DPYSL3: variants seen among roughly 807,000 people sequenced by gnomAD.
DPYSL3 encodes the protein dihydropyrimidinase-related protein 3.
In DPYSL3, 16 loss-of-function variants were observed where a neutral mutation model predicts 66.1. The ratio of observed to expected loss-of-function variants is 0.24; its 90% CI spans 0.16 to 0.37. The LOEUF (loss-of-function observed/expected upper bound fraction) is 0.37. Among genes scored for constraint, DPYSL3 ranks in the 10% least tolerant of loss-of-function variants. The pLI, the probability that DPYSL3 is intolerant of heterozygous loss-of-function variation, is 1.00. For synonymous variants in DPYSL3, 338 were observed against 345.1 expected (o/e 0.98, Z 0.23); for missense variants, 738 against 916.2 (o/e 0.81, Z 2.51).
At chr5:147,412,956 C>A (rs1035035767) in intron 5 of DPYSL3, among the ~76,000 whole-genome samples, 11 of 152,194 alleles carry the variant, frequency 7.2e-5, no homozygotes, top group African/African-American at 2.7e-4. Context: ...CTCTCCTCTG[C>A]CTCTAGCACA....
At chr5:147,424,777 G>T (rs1009702243) in intron 2 of DPYSL3, 98 bp downstream of exon 2, 21 of 944,054 alleles carry the variant, frequency 2.2e-5, no homozygotes, top group Non-Finnish European at 2.8e-5. Context: ...ATTAAATTAA[G>T]ATTTTTTTCA....
intron 1 of DPYSL3, among the ~76,000 whole-genome samples, chr5:147,488,499 T>C (rs868169625): frequency 1.3e-5 from 2 of 152,128 alleles, no homozygotes; most frequent in Admixed American, 1.3e-4. Flanking sequence ...GCCACAGCAG[T>C]CAATAAAAAA....
At chr5:147,441,180 T>C (rs1235158239) in intron 1 of DPYSL3, among the ~76,000 whole-genome samples, 2 of 152,206 alleles carry the variant, frequency 1.3e-5, no homozygotes, top group African/African-American at 4.8e-5. Flanking sequence ...TTTCTCCCTT[T>C]ATGACTCTGC....
intron 12 of DPYSL3, among the ~76,000 whole-genome samples, chr5:147,396,847 G>A (rs967507430): frequency 1.5e-5 from 2 of 136,050 alleles, no homozygotes; most frequent in Non-Finnish European, 3.1e-5. Context: ...ATATATATAC[G>A]TATATCTGTA....
chr5:147,500,440 C>T (rs148659125), intron 1 of DPYSL3, among the ~76,000 whole-genome samples: 80 of 152,000 alleles, frequency 5.3e-4, no homozygotes, highest in African/African-American at 1.8e-3. Context: ...ATGGTGAAAT[C>T]GCATATCTAC....
chr5:147,489,841 T>C (rs952771422), intron 1 of DPYSL3, among the ~76,000 whole-genome samples: 3 of 152,032 alleles, frequency 2.0e-5, no homozygotes, highest in African/African-American at 7.2e-5. Context: ...GCTGAAAAGT[T>C]ACCGATGGAT....
chr5:147,409,416 G>A (rs1751798338), intron 6 of DPYSL3, among the ~76,000 whole-genome samples: 1 of 152,158 alleles, frequency 6.6e-6, no homozygotes, highest in South Asian at 2.1e-4. Context: ...AGCCACTCAG[G>A]AGTTTTGATG....
chr5:147,509,197 C>T lies in DPYSL3; in HGVS notation c.381+281G>A, dbSNP rs554340019. 1.0e-3 allele frequency among the ~76,000 whole-genome samples: 155 copies of T among 152,254 alleles called. No homozygotes were observed. The highest frequency in any genetic ancestry group is 3.7e-3 in the African/African-American group (153 of 41,558). ...ACACACCCACCCAGACCGGATGGCC[C>T]AGGAGTGCGGCGAGGAGGCAGGGGC... On this transcript the variant is annotated intron_variant, in intron 1 of 13. Coordinates refer to ENST00000343218, the MANE Select transcript of DPYSL3 (RefSeq NM_001197294.2). This position sits in a 1 kb window ranked among gnomAD's most constrained non-coding sequence, Gnocchi z 5.3.
In DPYSL3 at chr5:147,509,260, C is replaced by T. The variant is rs1190344352; in HGVS notation, c.381+218G>A. On this transcript the variant is annotated intron_variant, in intron 1 of 13. Coordinates refer to ENST00000343218, the MANE Select transcript of DPYSL3 (RefSeq NM_001197294.2). The surrounding 1 kb of genome is among the most constrained non-coding windows in gnomAD (Gnocchi z 5.3). The stretch of plus-strand genomic sequence containing the variant: ...TCCAGGCAGGGGAACCCGGGCATCC[C>T]TTCCGCGCTTGCACGAAGATGCTGC... Among the ~76,000 whole-genome samples, 1 of 152,202 alleles carries T rather than the reference C, an allele frequency of 6.6e-6. No homozygotes were observed. The highest frequency in any genetic ancestry group is 2.4e-5 in the African/African-American group (1 of 41,466).
intron 1 of DPYSL3, among the ~76,000 whole-genome samples, chr5:147,435,749 G>T (rs1380968667): frequency 6.6e-6 from 1 of 152,160 alleles, no homozygotes; most frequent in Non-Finnish European, 1.5e-5. Context: ...AATAAGAAAA[G>T]ACCTTTAGCA....
intron 1 of DPYSL3, among the ~76,000 whole-genome samples, chr5:147,480,016 G>A (rs1753212332): frequency 6.6e-6 from 1 of 152,118 alleles, no homozygotes; most frequent in African/African-American, 2.4e-5. Context: ...TCTAAGCCCA[G>A]CCTTCACCAC....
chr5:147,405,764 C>G (rs374457174), intron 7 of DPYSL3, 34 bp from the exon 8 acceptor site: 1 of 1,592,750 alleles, frequency 6.3e-7, no homozygotes, highest in East Asian at 2.2e-5. Flanking sequence ...TCAATAGAAA[C>G]ATGAACCTCT....
chr5:147,455,546 G>A lies in DPYSL3; in HGVS notation c.382-30583C>T, dbSNP rs183138787. ...GTGCTGAGACCACTAGCCAAGAGTT[G>A]TGAAATTACAAAGCATTCTGGGGAT... is the stretch of plus-strand genomic sequence containing the variant. On this transcript the variant is annotated intron_variant, in intron 1 of 13. Coordinates refer to ENST00000343218, the MANE Select transcript of DPYSL3 (RefSeq NM_001197294.2). Among the ~76,000 whole-genome samples the A allele has an allele frequency of 1.7e-3, 266 of 152,290 alleles. 1 individual carries two copies. Among genetic ancestry groups the A allele is most frequent in the African/African-American group, 6.2e-3 (256 of 41,548 alleles).
chr5:147,423,358 G>A lies in DPYSL3; in HGVS notation c.470+1517C>T, dbSNP rs144393537. Among the ~76,000 whole-genome samples, 383 of 151,828 alleles carry A rather than the reference G, an allele frequency of 2.5e-3. 2 individuals carry two copies. The highest frequency in any genetic ancestry group is 2.4e-3 in the Non-Finnish European group (166 of 68,020). On this transcript the variant is annotated intron_variant, in intron 2 of 13. Coordinates refer to ENST00000343218, the MANE Select transcript of DPYSL3 (RefSeq NM_001197294.2). ...TCATTCACTCACTCATTCATTCAAT[G>A]TTATTTGACTAATACATTAACTTTT...
At chr5:147,400,934 T>C (rs1758154907) in intron 9 of DPYSL3, 101 bp from the exon 10 acceptor site, 3 of 1,453,086 alleles carry the variant, frequency 2.1e-6, no homozygotes, top group Non-Finnish European at 1.8e-6. Context: ...ACTCTGACTA[T>C]TTGGGTTTGG....
chr5:147,401,546 A>G lies in DPYSL3; in HGVS notation c.1304T>C (p.Leu435Pro). 6.2e-7 allele frequency: 1 copy of G among 1,612,176 alleles called. No homozygotes were observed. Among genetic ancestry groups the G allele is most frequent in the Non-Finnish European group, 8.5e-7 (1 of 1,179,192 alleles). ...TGGGCATTCCTGCACCAACCTGGCCAGCAAGGAGTTGATGTAGTCCGGAGT... is the reference window on the plus strand; with the variant it reads ...TGGGCATTCCTGCACCAACCTGGCCGGCAAGGAGTTGATGTAGTCCGGAGT... Reference protein sequence around the residue: ...PTTPDYINSLLASGDLQLSGS... With the variant: ...PTTPDYINSLPASGDLQLSGS... Residue 435 changes from leucine (L) to proline (P), a missense_variant, in exon 9 of 14, where the codon CTG becomes CCG. By Grantham distance (98) the Leu-to-Pro change is moderately conservative. Coordinates refer to ENST00000343218, the MANE Select transcript of DPYSL3 (RefSeq NM_001197294.2).
chr5:147,450,909 T>C (rs1467218568), intron 1 of DPYSL3, among the ~76,000 whole-genome samples: 3 of 152,200 alleles, frequency 2.0e-5, no homozygotes, highest in African/African-American at 7.2e-5. Flanking sequence ...AAATTCCATG[T>C]TACCATTTTT....
chr5:147,424,857 A>C lies in DPYSL3; in HGVS notation c.470+18T>G, dbSNP rs764954935. On this transcript the variant is annotated intron_variant, in intron 2 of 13. Coordinates refer to ENST00000343218, the MANE Select transcript of DPYSL3 (RefSeq NM_001197294.2). Reference sequence around the variant, plus strand: ...GAGGAAGTGCAAAACAATAAAGAGAAGAATTCCATATACATACTTTATTAA... The same window carrying C: ...GAGGAAGTGCAAAACAATAAAGAGACGAATTCCATATACATACTTTATTAA... 1 of 1,560,314 alleles carries C rather than the reference A, an allele frequency of 6.4e-7. No homozygotes were observed. The highest frequency in any genetic ancestry group is 2.3e-5 in the East Asian group (1 of 44,258).
At chr5:147,492,058 A>T (rs1179992701) in intron 1 of DPYSL3, among the ~76,000 whole-genome samples, 1 of 152,094 alleles carries the variant, frequency 6.6e-6, no homozygotes, top group Non-Finnish European at 1.5e-5. Flanking sequence ...TAGGGGGGGA[A>T]ATACCTTCCC....
Sources: gnomAD v4.1 joint callset for allele counts (sites outside exome capture counted in the v4.1 genomes callset) on GRCh38, gnomAD v4.1.1 for gene constraint, Gnocchi (gnomAD v3.1) non-coding constraint, MANE v1.5 for transcripts, NCBI Gene and HGNC (gene_info 2026-07-23, HGNC 2026-07-21) for gene names.